The following PIEZO1 variants were observed in gnomAD, a reference collection of about 807,000 sequenced individuals.
The protein encoded by PIEZO1 is piezo-type mechanosensitive ion channel component 1.
In PIEZO1, 296 loss-of-function variants were observed where a neutral mutation model predicts 297.2. That is an observed-to-expected ratio of 1.00 (90% CI 0.91 to 1.10). The LOEUF (loss-of-function observed/expected upper bound fraction) is 1.10. Ranked by LOEUF, PIEZO1 falls within the 50% of genes least tolerant of loss-of-function variation. The pLI is 0.00. For synonymous variants in PIEZO1, 2,427 were observed against 1,507.5 expected (o/e 1.61, Z -14.13); for missense variants, 5,018 against 3,455.5 (o/e 1.45, Z -11.34).
chr16:88,776,114 C>A (rs1036484919), intron 1 of PIEZO1, among the ~76,000 whole-genome samples: 1 of 152,170 alleles, frequency 6.6e-6, no homozygotes, highest in Non-Finnish European at 1.5e-5. Context: ...ACCCAGGACC[C>A]GAGATCCCAC....
intron 1 of PIEZO1, 132 bp downstream of exon 1, chr16:88,784,769 G>A: frequency 5.2e-6 from 3 of 581,438 alleles, no homozygotes; most frequent in Non-Finnish European, 7.6e-6. Context: ...CGCCCGGGTC[G>A]CGCGTCCCTG....
In PIEZO1 at chr16:88,738,413, C is replaced by A. The variant is rs1304768403; in HGVS notation, c.662G>T (p.Ser221Ile). The A allele has an allele frequency of 4.6e-6, 7 of 1,535,842 alleles. No individual in the cohort carries two copies. Among genetic ancestry groups the A allele is most frequent in the African/African-American group, 1.4e-5 (1 of 73,172 alleles). The change falls in exon 7 of 51, where the codon AGT (serine) becomes ATT (isoleucine). Residue 221 changes from serine (S) to isoleucine (I), a missense_variant. Ser to Ile is a moderately radical substitution (Grantham distance 142, BLOSUM62 -2). Transcript: ENST00000301015. ...GGCCAGGAAGAGCAGCAGGTAGACA[C>A]TGGAGAGGGCCGAGGGGTGGGCGAT... ...AGIAHPSALS[S>I]VYLLLFLALC...
At chr16:88,754,649 T>A (rs1279567239) in intron 1 of PIEZO1, among the ~76,000 whole-genome samples, 3 of 152,246 alleles carry the variant, frequency 2.0e-5, no homozygotes, top group African/African-American at 7.2e-5. Context: ...GGACACCTCA[T>A]ACATGCTCCC....
rs1904285242 is a variant in PIEZO1 at position 88,722,290 on chromosome 16, G to C, written c.4883C>G (p.Pro1628Arg). The C allele has an allele frequency of 6.5e-7, 1 of 1,548,440 alleles. No homozygotes were observed. Reference protein sequence around the residue: ...RSGSEEAVTDPGEREAGASLY... With the variant: ...RSGSEEAVTDRGEREAGASLY... Reference sequence around the variant, plus strand: ...AGAGGCACCAGCCTCACGCTCCCCGGGGTCGGTGACTGCCTCCTCACTGCC... The same window carrying C: ...AGAGGCACCAGCCTCACGCTCCCCGCGGTCGGTGACTGCCTCCTCACTGCC... Residue 1628 changes from proline to arginine, a missense_variant, in exon 36 of 51, where the codon CCC becomes CGC. Coordinates refer to ENST00000301015, the MANE Select transcript of PIEZO1 (RefSeq NM_001142864.4).
At chr16:88,756,926 A>G (rs1371375780) in intron 1 of PIEZO1, among the ~76,000 whole-genome samples, 6 of 145,990 alleles carry the variant, frequency 4.1e-5, no homozygotes, top group Non-Finnish European at 6.0e-5. Flanking sequence ...AATACAAAAA[A>G]GTAGCCGGGT....
Position 88,742,464 on chromosome 16 carries a change from G to A in PIEZO1, c.161-42C>T, listed in dbSNP as rs11644443. The A allele has an allele frequency of 0.14, 213,221 of 1,526,772 alleles. 17,105 individuals are homozygous for A. The highest frequency in any genetic ancestry group is 0.16 in the Non-Finnish European group (187,965 of 1,142,912). The allele number at this position is 1,526,772 out of a possible 1,614,324, so 94.6% of individuals were successfully genotyped here. A position where few individuals can be genotyped will look rare whatever the true frequency, so the allele number is the denominator to read the frequency against. On this transcript the variant is annotated intron_variant, in intron 2 of 50. Coordinates refer to ENST00000301015, the MANE Select transcript of PIEZO1 (RefSeq NM_001142864.4). The stretch of plus-strand genomic sequence containing the variant: ...GGGTGAGGCTGGTCCCGGGGACGGG[G>A]AGGGGCCGCAGCCCAGGCCGCTCAG...
intron 5 of PIEZO1, chr16:88,739,659 C>G (rs554613287): frequency 1.2e-4 from 19 of 152,504 alleles, no homozygotes; most frequent in African/African-American, 3.8e-4. Context: ...GACAGATGAA[C>G]CAGACCAGTC....
At chr16:88,782,308 C>T (rs1372099521) in intron 1 of PIEZO1, among the ~76,000 whole-genome samples, 2 of 152,080 alleles carry the variant, frequency 1.3e-5, no homozygotes, top group African/African-American at 4.8e-5. Context: ...AGATGGGGAT[C>T]TCTACGTTGC....
At position 88,734,801 on chromosome 16, in the gene PIEZO1, G is replaced by T; in HGVS notation, c.1849-3C>A. On this transcript the variant is annotated splice_region_variant and splice_polypyrimidine_tract_variant and intron_variant, in intron 14 of 50. Transcript: ENST00000301015. Reference sequence around the variant, plus strand: ...TTCCGCCACAGGCTGTAGTAGACCTGCCGGGTGAGGTGGGGGTGGTGAGGA... The same window carrying T: ...TTCCGCCACAGGCTGTAGTAGACCTTCCGGGTGAGGTGGGGGTGGTGAGGA... 2 of 1,550,294 alleles carry T rather than the reference G, an allele frequency of 1.3e-6. No homozygotes were observed. Among genetic ancestry groups the T allele is most frequent in the Non-Finnish European group, 8.7e-7 (1 of 1,146,922 alleles).
At chr16:88,718,163 G>A (rs1341407661) in intron 44 of PIEZO1, 7 of 179,242 alleles carry the variant, frequency 3.9e-5, no homozygotes, top group South Asian at 1.2e-4. Flanking sequence ...GACGCTCAGC[G>A]TCGGTCAACA....
intron 1 of PIEZO1, among the ~76,000 whole-genome samples, chr16:88,762,291 G>C (rs1310828847): frequency 1.3e-5 from 2 of 152,140 alleles, no homozygotes; most frequent in African/African-American, 4.8e-5. Flanking sequence ...GCACTCAGAG[G>C]GGCGGTGACA....
At chr16:88,749,042 C>G (rs923680445) in intron 2 of PIEZO1, among the ~76,000 whole-genome samples, 1 of 151,036 alleles carries the variant, frequency 6.6e-6, no homozygotes, top group Non-Finnish European at 1.5e-5. Flanking sequence ...TCGAGACCAT[C>G]CTGGCTATCA....
At chr16:88,725,804 A>AAGAGGCACCCACGGG in intron 27 of PIEZO1, 120 bp from the exon 28 acceptor site, 1 of 644,368 alleles carries the variant, frequency 1.6e-6, no homozygotes, top group Non-Finnish European at 2.8e-6. Context: ...CACGCTGGAC[A>AAGAGGCACCCACGGG]AGAGGCACCC....
chr16:88,769,511 G>A (rs1294950452), intron 1 of PIEZO1, among the ~76,000 whole-genome samples: 1 of 152,204 alleles, frequency 6.6e-6, no homozygotes, highest in Non-Finnish European at 1.5e-5. Flanking sequence ...CCTGCGGAAC[G>A]CCTCGGCAGC....
Position 88,719,979 on chromosome 16 carries a change from G to A in PIEZO1, c.6165-19C>T. 1.3e-6 allele frequency: 2 copies of A among 1,549,882 alleles called. No individual in the cohort carries two copies. The highest frequency in any genetic ancestry group is 1.2e-5 in the South Asian group (1 of 84,068). On this transcript the variant is annotated intron_variant, in intron 42 of 50. Coordinates refer to ENST00000301015, the MANE Select transcript of PIEZO1 (RefSeq NM_001142864.4). ...GAACATCCTGGGGCGGGATGGCCAGGTCAAGGACCCCATCAGAAACAGCCC... is the reference window on the plus strand; with the variant it reads ...GAACATCCTGGGGCGGGATGGCCAGATCAAGGACCCCATCAGAAACAGCCC...
Position 88,721,373 on chromosome 16 carries a change from C to A in PIEZO1, c.5461G>T (p.Gly1821Cys). ...TCCTCGGCTCCCTGCTCCTCCTCGCCGCTCTTGTCATGCTCCTTGGATGGT... is the reference window on the plus strand; with the variant it reads ...TCCTCGGCTCCCTGCTCCTCCTCGCAGCTCTTGTCATGCTCCTTGGATGGT... ...DSPSKEHDKS[G>C]EEEQGAEEGP... The change falls in exon 39 of 51, where the codon GGC becomes TGC. Residue 1821 changes from glycine to cysteine, a missense_variant. Physicochemically the swap from Gly to Cys is radical, Grantham distance 159 (BLOSUM62 -3). Transcript: ENST00000301015. 6.5e-7 allele frequency: 1 copy of A among 1,549,740 alleles called. No individual in the cohort carries two copies. Among genetic ancestry groups the A allele is most frequent in the Non-Finnish European group, 8.7e-7 (1 of 1,146,894 alleles).
chr16:88,731,928 C>CG lies in PIEZO1; in HGVS notation c.2992-19dup. Reference sequence around the variant, plus strand: ...AAGCAGATCTGGGGAGGGGAGAGGGCGGGGTGTGGGGATGCACTGAGTCTG... The same window carrying CG: ...AAGCAGATCTGGGGAGGGGAGAGGGCGGGGGTGTGGGGATGCACTGAGTCTG... On this transcript the variant is annotated intron_variant, in intron 21 of 50. Transcript: ENST00000301015. 1 of 612,478 alleles carries CG rather than the reference C, an allele frequency of 1.6e-6. No individual in the cohort carries two copies. Among genetic ancestry groups the CG allele is most frequent in the South Asian group, 2.6e-5 (1 of 38,054 alleles). The allele number at this position is 612,478 out of a possible 1,614,324, so 37.9% of individuals were successfully genotyped here.
At chr16:88,737,493 G>A (rs1008467334) in intron 10 of PIEZO1, 66 bp downstream of exon 10, 11 of 1,161,384 alleles carry the variant, frequency 9.5e-6, no homozygotes, top group East Asian at 2.7e-5. Flanking sequence ...GCGGCCACCA[G>A]GGGGCAGCAC....
intron 22 of PIEZO1, among the ~76,000 whole-genome samples, chr16:88,728,340 G>A (rs955828257): frequency 1.3e-5 from 2 of 152,228 alleles, no homozygotes; most frequent in African/African-American, 4.8e-5. Flanking sequence ...ACGCATCTGC[G>A]AAACCCACAG....
Sources: gnomAD v4.1 joint callset for allele counts (sites outside exome capture counted in the v4.1 genomes callset) on GRCh38, gnomAD v4.1.1 for gene constraint, MANE v1.5 for transcripts, NCBI Gene and HGNC (gene_info 2026-07-23, HGNC 2026-07-21) for gene names.